PCNP: variants seen among roughly 807,000 people sequenced by gnomAD.
PCNP encodes the protein PEST proteolytic signal-containing nuclear protein.
Under a neutral mutation model 21.8 loss-of-function variants are expected in PCNP, and 6 were observed. The observed-to-expected ratio is 0.28, with a 90% CI of 0.15 to 0.54. The LOEUF (loss-of-function observed/expected upper bound fraction) is 0.54, where lower values mean the gene tolerates loss of function less well. PCNP is among the 20% of genes least tolerant of loss of function. The pLI is 0.95. For missense variants in PCNP, 161 were observed against 215.5 expected, an observed-to-expected ratio of 0.75 and a Z score of 1.58; for synonymous variants, 67 against 73.2, an observed-to-expected ratio of 0.92 and a Z score of 0.43.
rs1935916290 is a variant in PCNP at position 101,593,476 on chromosome 3, TG to T, written c.*724del. On this transcript the variant is annotated 3_prime_UTR_variant, in exon 5 of 5. Transcript: ENST00000265260. The stretch of plus-strand genomic sequence containing the variant: ...TTTTGAATGTGCTTCTCTTGTTTTT[TG>T]TTTATTAGCTAGTTCCTGTAAGCAT... The T allele has an allele frequency of 6.6e-6, 1 of 152,652 alleles. No individual in the cohort carries two copies. Among genetic ancestry groups the T allele is most frequent in the Non-Finnish European group, 1.5e-5 (1 of 68,038 alleles). 9.5% of individuals were successfully genotyped at this position (152,652 alleles called of 1,614,324 possible).
chr3:101,578,643 A>G (rs1334765834), intron 1 of PCNP, among the ~76,000 whole-genome samples: 3 of 152,206 alleles, frequency 2.0e-5, no homozygotes, highest in Non-Finnish European at 4.4e-5. Flanking sequence ...CAAAGTGCTT[A>G]TTAATCTAGA....
At chr3:101,575,672 A>G (rs769172982) in intron 1 of PCNP, among the ~76,000 whole-genome samples, 2 of 152,224 alleles carry the variant, frequency 1.3e-5, no homozygotes, top group African/African-American at 2.4e-5. Flanking sequence ...GGAAAAGCCT[A>G]AAGAATCATG....
At chr3:101,576,506 C>A in intron 1 of PCNP, 5 of 1,608,416 alleles carry the variant, frequency 3.1e-6, no homozygotes, top group Non-Finnish European at 4.2e-6. Flanking sequence ...TTCTTGGACA[C>A]ACCCACGGTG....
chr3:101,593,479 T>TTA lies in PCNP; in HGVS notation c.*728_*729dup, dbSNP rs1334017515. On this transcript the variant is annotated 3_prime_UTR_variant, in exon 5 of 5. Transcript: ENST00000265260. ...TGAATGTGCTTCTCTTGTTTTTTGT[T>TTA]TATTAGCTAGTTCCTGTAAGCATTT... The TTA allele has an allele frequency of 2.6e-5, 4 of 152,656 alleles. No homozygotes were observed. The highest frequency in any genetic ancestry group is 5.9e-5 in the Non-Finnish European group (4 of 68,036). 9.5% of individuals were successfully genotyped at this position (152,656 alleles called of 1,614,324 possible).
intron 4 of PCNP, among the ~76,000 whole-genome samples, chr3:101,592,131 GTGTTTTT>G (rs969006395): frequency 1.3e-5 from 2 of 151,580 alleles, no homozygotes; most frequent in African/African-American, 4.8e-5. Flanking sequence ...TGTCTGTAAA[GTGTTTTT>G]TGTTTTTTGT....
At chr3:101,591,896 T>G (rs192401431) in intron 4 of PCNP, among the ~76,000 whole-genome samples, 1 of 148,936 alleles carries the variant, frequency 6.7e-6, no homozygotes, top group Non-Finnish European at 1.5e-5. Context: ...CTCAGCCTCC[T>G]AAGCAGCTGG....
chr3:101,589,461 A>G (rs912046821), intron 3 of PCNP, among the ~76,000 whole-genome samples: 1 of 149,236 alleles, frequency 6.7e-6, no homozygotes, highest in Non-Finnish European at 1.5e-5. Context: ...CCCAGGCTGG[A>G]GTGCAGTGGC....
Position 101,579,872 on chromosome 3 carries a change from T to G in PCNP, c.147T>G (p.Ala49=), listed in dbSNP as rs560180009. 1 of 1,614,112 alleles carries G rather than the reference T, an allele frequency of 6.2e-7. No homozygotes were observed. Among genetic ancestry groups the G allele is most frequent in the Non-Finnish European group, 8.5e-7 (1 of 1,179,936 alleles). Residue 49 remains alanine (A), a synonymous_variant, in exon 2 of 5, where the codon GCT becomes GCG. Transcript: ENST00000265260. ...SNGGESSSRS[A]EKRSAEEEAA... ...GAGGGGAAAGTTCCAGTCGCAGCGC[T>G]GAGAAGCGATCAGCTGAAGAAGAAG...
rs1380948070 is a variant in PCNP, at chr3:101,579,792, C to G, written c.67C>G (p.Pro23Ala). ...GTAAGTTGTTTCGACTTCACCAGGACCTGAAGAAGAAGCAGAAAAACCTGT... is the reference window on the plus strand; with the variant it reads ...GTAAGTTGTTTCGACTTCACCAGGAGCTGAAGAAGAAGCAGAAAAACCTGT... ...KSQRAGAAGG[P>A]EEEAEKPVKT... The change falls in exon 2 of 5, where the codon CCT (proline) becomes GCT (alanine). Residue 23 changes from proline (P) to alanine (A), a missense_variant and splice_region_variant. This residue lies in a region of PCNP where 6 missense variants were observed against 21.8 expected (regional missense o/e 0.28). Coordinates refer to ENST00000265260, the MANE Select transcript of PCNP (RefSeq NM_020357.3). 3.1e-6 allele frequency: 5 copies of G among 1,611,254 alleles called. No individual in the cohort carries two copies. Among genetic ancestry groups the G allele is most frequent in the Non-Finnish European group, 4.2e-6 (5 of 1,177,400 alleles).
At position 101,587,390 on chromosome 3, in the gene PCNP, G is replaced by C. The variant is rs1935585337; in HGVS notation, c.354+1879G>C. ...CAAGGGTAAATATTTAATGATTGGA[G>C]CCCAAATCAGTAAGCAGAAAATTAC... On this transcript the variant is annotated intron_variant, in intron 3 of 4. Transcript: ENST00000265260. Among the ~76,000 whole-genome samples, 4 of 151,978 alleles carry C rather than the reference G, an allele frequency of 2.6e-5. No homozygotes were observed. The South Asian group carries it at 8.3e-4, about 32-fold the overall frequency.
chr3:101,591,766 GTTTTTT>G (rs149888934), intron 4 of PCNP, among the ~76,000 whole-genome samples: 1 of 102,306 alleles, frequency 9.8e-6, no homozygotes. Context: ...TGATTTTGGT[GTTTTTT>G]TTTTTTTTTT....
Position 101,586,170 on chromosome 3 carries a change from CA to C in PCNP, c.354+686del, listed in dbSNP as rs10529220. Among the ~76,000 whole-genome samples, 856 of 97,450 alleles carry C rather than the reference CA, an allele frequency of 8.8e-3. 7 individuals carry two copies. The highest frequency in any genetic ancestry group is 0.033 in the African/African-American group (788 of 23,754). The allele number at this position is 97,450 out of a possible 152,430, so 63.9% of individuals were successfully genotyped here. A position where few individuals can be genotyped will look rare whatever the true frequency, so the allele number is the denominator to read the frequency against. On this transcript the variant is annotated intron_variant, in intron 3 of 4. Transcript: ENST00000265260. The stretch of plus-strand genomic sequence containing the variant: ...TGGGCAACAGAGCTAGTCTCTGTCT[CA>C]AAAAAAAAAAAAAAAAAAAAAAAAA...
chr3:101,578,935 A>T (rs888667644), intron 1 of PCNP, among the ~76,000 whole-genome samples: 10 of 152,186 alleles, frequency 6.6e-5, no homozygotes, highest in African/African-American at 2.4e-4. Flanking sequence ...TTACCGCCTG[A>T]TATGTTCTTA....
chr3:101,578,380 G>A (rs1013345062), intron 1 of PCNP, among the ~76,000 whole-genome samples: 1 of 152,208 alleles, frequency 6.6e-6, no homozygotes, highest in Non-Finnish European at 1.5e-5. Flanking sequence ...CATAAATTGA[G>A]TTCCGTTTTT....
intron 4 of PCNP, 118 bp from the exon 5 acceptor site, chr3:101,592,509 C>A (rs1238212466): frequency 1.4e-6 from 1 of 730,698 alleles, no homozygotes; most frequent in Non-Finnish European, 2.2e-6. Context: ...GTAGGGCCTT[C>A]CAGTGTTCAG....
At position 101,580,021 on chromosome 3, in the gene PCNP, TATATG is replaced by T; in HGVS notation, c.279+20_279+24del. ...GGATCAAGTGTGAGTTGTTATTTCA[TATATG>T]ATGTTTGTAATGGGTCTTAAGGATT... On this transcript the variant is annotated intron_variant, in intron 2 of 4. Coordinates refer to ENST00000265260, the MANE Select transcript of PCNP (RefSeq NM_020357.3). The T allele has an allele frequency of 6.3e-7, 1 of 1,576,574 alleles. No homozygotes were observed. Among genetic ancestry groups the T allele is most frequent in the Non-Finnish European group, 8.7e-7 (1 of 1,145,818 alleles).
At chr3:101,589,673 A>C (rs534732394) in intron 3 of PCNP, 1 of 154,096 alleles carries the variant, frequency 6.5e-6, no homozygotes, top group South Asian at 2.0e-4. Flanking sequence ...CAGCCTTCCA[A>C]AGTGCTGGGA....
At chr3:101,587,816 G>A (rs1226623801) in intron 3 of PCNP, among the ~76,000 whole-genome samples, 1 of 152,072 alleles carries the variant, frequency 6.6e-6, no homozygotes, top group Non-Finnish European at 1.5e-5. Context: ...AGGGAAGAAC[G>A]ATACAGGATG....
intron 4 of PCNP, among the ~76,000 whole-genome samples, 172 bp downstream of exon 4, chr3:101,590,442 C>G (rs1935746641): frequency 1.3e-5 from 2 of 152,186 alleles, no homozygotes; most frequent in African/African-American, 4.8e-5. Flanking sequence ...ATGAATAAGA[C>G]ATGGTTCAAT....
Sources: gnomAD v4.1 joint callset for allele counts (sites outside exome capture counted in the v4.1 genomes callset) on GRCh38, gnomAD v4.1.1 for gene constraint, gnomAD v4.1.1 regional missense constraint, MANE v1.5 for transcripts, NCBI Gene and HGNC (gene_info 2026-07-23, HGNC 2026-07-21) for gene names.